NEDD4L: variants seen among roughly 807,000 people sequenced by gnomAD.
NEDD4L encodes the protein NEDD4 like E3 ubiquitin protein ligase, also known as E3 ubiquitin-protein ligase NEDD4-like.
Under a neutral mutation model 148.9 loss-of-function variants are expected in NEDD4L, and 54 were observed. That is an observed-to-expected ratio of 0.36 (90% CI 0.29 to 0.45). NEDD4L has a LOEUF of 0.45. NEDD4L is among the 20% of genes least tolerant of loss of function. NEDD4L has a pLI of 1.00. For missense variants in NEDD4L, 856 were observed against 1,233.8 expected (o/e 0.69, Z 4.59); for synonymous variants, 433 against 440.7 (o/e 0.98, Z 0.22).
chr18:58,084,671 T>TTGTGTGTGTG (rs55916532), intron 1 of NEDD4L, among the ~76,000 whole-genome samples: 27,098 of 133,372 alleles, frequency 0.2, 2,855 homozygotes, highest in East Asian at 0.32. Context: ...TGTGGGGTTT[T>TTGTGTGTGTG]TGTGTGTGTG....
intron 2 of NEDD4L, among the ~76,000 whole-genome samples, chr18:58,222,922 A>C (rs919028927): frequency 6.6e-5 from 10 of 152,140 alleles, no homozygotes; most frequent in African/African-American, 1.9e-4. Flanking sequence ...GAAGCAAATA[A>C]CTCTATAAGG....
intron 1 of NEDD4L, among the ~76,000 whole-genome samples, chr18:58,102,138 G>A (rs754236698): frequency 4.6e-5 from 7 of 151,976 alleles, no homozygotes; most frequent in South Asian, 2.1e-4. Flanking sequence ...AATTAAGGTC[G>A]GGTATGTATT....
intron 18 of NEDD4L, among the ~76,000 whole-genome samples, chr18:58,353,096 T>C (rs1568816570): frequency 6.6e-6 from 1 of 152,188 alleles, no homozygotes; most frequent in Non-Finnish European, 1.5e-5. Context: ...GAAAGTGAAG[T>C]GAACTCACTT....
chr18:58,391,165 T>G (rs1248023034), intron 29 of NEDD4L, among the ~76,000 whole-genome samples: 1 of 152,128 alleles, frequency 6.6e-6, no homozygotes, highest in Non-Finnish European at 1.5e-5. Context: ...TCATTCACCC[T>G]CCCACCCACA....
At chr18:58,247,238 CAG>C (rs1364484511) in intron 3 of NEDD4L, 2 of 152,140 alleles carry the variant, frequency 1.3e-5, no homozygotes, top group African/African-American at 4.8e-5. Flanking sequence ...AGGATGCAGC[CAG>C]GTCCTTTTGT....
chr18:58,199,912 C>T (rs1178954546), intron 2 of NEDD4L, among the ~76,000 whole-genome samples: 1 of 152,140 alleles, frequency 6.6e-6, no homozygotes, highest in Non-Finnish European at 1.5e-5. Context: ...TGAGACATGT[C>T]CTGAACCAAT....
intron 2 of NEDD4L, among the ~76,000 whole-genome samples, chr18:58,199,204 G>A (rs895021606): frequency 2.6e-5 from 4 of 152,158 alleles, no homozygotes; most frequent in Middle Eastern, 3.2e-3. Context: ...TTTAATCCAC[G>A]TTGACATCTT....
Position 58,219,636 on chromosome 18 carries a change from C to T in NEDD4L, c.123-25791C>T, listed in dbSNP as rs569698204. ...CCCAGGTCATTTGTGTACCTGTGTC[C>T]GTGTCCTAATCTCCTGTTCGTATAA... On this transcript the variant is annotated intron_variant, in intron 2 of 30. Transcript: ENST00000400345. 1.4e-4 allele frequency among the ~76,000 whole-genome samples: 21 copies of T among 151,550 alleles called. 2 individuals are homozygous for T. In the South Asian group the frequency reaches 4.2e-3, roughly 30 times the overall value.
intron 1 of NEDD4L, among the ~76,000 whole-genome samples, chr18:58,163,141 G>C (rs2036431127): frequency 6.6e-6 from 1 of 152,112 alleles, no homozygotes; most frequent in Non-Finnish European, 1.5e-5. Context: ...CCACAGGCTT[G>C]ATCGTAGCGC....
At chr18:58,093,565 A>G (rs576604999) in intron 1 of NEDD4L, among the ~76,000 whole-genome samples, 5 of 152,344 alleles carry the variant, frequency 3.3e-5, no homozygotes, top group East Asian at 3.9e-4. Context: ...AATACCTTCA[A>G]TTCACTACTG....
At chr18:58,335,786 A>T in intron 13 of NEDD4L, 1 of 378,754 alleles carries the variant, frequency 2.6e-6, no homozygotes, top group African/African-American at 2.1e-5. Flanking sequence ...AGTGCATTTA[A>T]CTTGACCATT....
intron 1 of NEDD4L, among the ~76,000 whole-genome samples, chr18:58,083,882 C>A (rs1357537729): frequency 6.6e-6 from 1 of 152,090 alleles, no homozygotes; most frequent in African/African-American, 2.4e-5. Context: ...AGGCATGTTC[C>A]ACCATGCCTG....
chr18:58,374,458 C>T (rs2047281606), intron 24 of NEDD4L, among the ~76,000 whole-genome samples: 1 of 151,200 alleles, frequency 6.6e-6, no homozygotes, highest in African/African-American at 2.4e-5. Flanking sequence ...TCCCCACTGC[C>T]CCCCTTTCCC....
chr18:58,335,726 T>C (rs935374571), intron 13 of NEDD4L, 189 bp downstream of exon 13: 1 of 506,040 alleles, frequency 2.0e-6, no homozygotes, highest in East Asian at 3.2e-5. Context: ...AATAGAATGA[T>C]TTTTTTAGTC....
At chr18:58,333,705 C>T (rs1428926163) in intron 11 of NEDD4L, 113 bp from the exon 12 acceptor site, 3 of 726,374 alleles carry the variant, frequency 4.1e-6, no homozygotes, top group Non-Finnish European at 7.4e-6. Flanking sequence ...ATTTAATTAC[C>T]TTCTAATATC....
rs189987170 is a variant in NEDD4L at position 58,091,987 on chromosome 18, T to C, written c.48+47279T>C. On this transcript the variant is annotated intron_variant, in intron 1 of 30. Coordinates refer to ENST00000400345, the MANE Select transcript of NEDD4L (RefSeq NM_001144967.3). Reference sequence around the variant, plus strand: ...TCTTGCTTTTGTAAGGGATGTCACATTGAGCCATTAAGTGTCATCTCTGGA... The same window carrying C: ...TCTTGCTTTTGTAAGGGATGTCACACTGAGCCATTAAGTGTCATCTCTGGA... Among the ~76,000 whole-genome samples the C allele has an allele frequency of 7.2e-5, 11 of 152,378 alleles. No homozygotes were observed. In the East Asian group the frequency reaches 2.1e-3, roughly 29 times the overall value.
At chr18:58,119,226 T>TG (rs1398812914) in intron 1 of NEDD4L, among the ~76,000 whole-genome samples, 1 of 152,148 alleles carries the variant, frequency 6.6e-6, no homozygotes, top group East Asian at 1.9e-4. Context: ...GTCATTCTCA[T>TG]GGGCCATGGA....
At chr18:58,287,490 C>G (rs1352465833) in intron 5 of NEDD4L, among the ~76,000 whole-genome samples, 1 of 152,130 alleles carries the variant, frequency 6.6e-6, no homozygotes, top group African/African-American at 2.4e-5. Flanking sequence ...CATGAGTTCA[C>G]CTCGGCACCA....
chr18:58,304,844 C>T (rs1414785702), intron 5 of NEDD4L, among the ~76,000 whole-genome samples: 5 of 152,208 alleles, frequency 3.3e-5, no homozygotes, highest in African/African-American at 1.2e-4. Flanking sequence ...CACTAAATGA[C>T]TTTTGAGGTC....
Sources: gnomAD v4.1 joint callset for allele counts (sites outside exome capture counted in the v4.1 genomes callset) on GRCh38, gnomAD v4.1.1 for gene constraint, MANE v1.5 for transcripts, NCBI Gene and HGNC (gene_info 2026-07-23, HGNC 2026-07-21) for gene names.